RELN: variants seen among roughly 807,000 people sequenced by gnomAD.
RELN encodes the protein reelin.
A neutral mutation model predicts 427.6 loss-of-function variants in RELN; 108 were observed. The ratio of observed to expected loss-of-function variants is 0.25; its 90% CI spans 0.22 to 0.30. The LOEUF (loss-of-function observed/expected upper bound fraction) is 0.30, where lower values mean the gene tolerates loss of function less well. Among genes scored for constraint, RELN ranks in the 10% least tolerant of loss-of-function variants. RELN has a pLI of 1.00. For synonymous variants in RELN, 1,524 were observed against 1,513.4 expected, an observed-to-expected ratio of 1.01 and a Z score of -0.16; for missense variants, 3,715 against 4,302.8, an observed-to-expected ratio of 0.86 and a Z score of 3.82.
intron 2 of RELN, among the ~76,000 whole-genome samples, chr7:103,891,720 G>A (rs758223637): frequency 1.3e-5 from 2 of 152,008 alleles, no homozygotes; most frequent in Non-Finnish European, 2.9e-5. Context: ...CTTATCTCAT[G>A]TTACTATCTA....
chr7:103,475,879 T>C (rs1215567608), intron 64 of RELN, among the ~76,000 whole-genome samples: 1 of 149,572 alleles, frequency 6.7e-6, no homozygotes, highest in Non-Finnish European at 1.5e-5. Context: ...GGATGTTCTT[T>C]TTTTAAATAA....
At chr7:103,807,514 G>A (rs1001697809) in intron 3 of RELN, among the ~76,000 whole-genome samples, 7 of 152,090 alleles carry the variant, frequency 4.6e-5, no homozygotes, top group African/African-American at 1.7e-4. Context: ...TGTCACATGG[G>A]TAAATTGCAT....
chr7:103,728,089 T>C (rs1333872361), intron 7 of RELN, 22 bp downstream of exon 7: 54 of 1,609,530 alleles, frequency 3.4e-5, no homozygotes, highest in Non-Finnish European at 4.3e-5. Context: ...TGGAATAATG[T>C]ACATGAATAG....
intron 2 of RELN, among the ~76,000 whole-genome samples, chr7:103,844,460 G>C (rs1793628322): frequency 6.6e-6 from 1 of 152,148 alleles, no homozygotes. Flanking sequence ...AGTATTTAAT[G>C]ATGCAGGCAA....
intron 8 of RELN, among the ~76,000 whole-genome samples, chr7:103,719,265 C>T (rs1308686609): frequency 6.6e-6 from 1 of 152,094 alleles, no homozygotes. Context: ...ATGTTCCCCT[C>T]CAATGTCTTG....
intron 25 of RELN, 88 bp from the exon 26 acceptor site, chr7:103,594,580 G>C (rs1311719333): frequency 1.4e-6 from 2 of 1,393,334 alleles, no homozygotes; most frequent in South Asian, 1.2e-5. Flanking sequence ...GTAACAACAA[G>C]AGAAAAGTTT....
At chr7:103,612,928 G>A (rs899917925) in intron 20 of RELN, among the ~76,000 whole-genome samples, 3 of 152,044 alleles carry the variant, frequency 2.0e-5, no homozygotes, top group Non-Finnish European at 2.9e-5. Flanking sequence ...ATATTCCCAG[G>A]GTCAATCACA....
In RELN at chr7:103,899,001, AACTGTCCCAT is replaced by A. The variant is rs1358549617; in HGVS notation, c.337+18064_337+18073del. On this transcript the variant is annotated intron_variant, in intron 2 of 64. Coordinates refer to ENST00000428762, the MANE Select transcript of RELN (RefSeq NM_005045.4). Reference sequence around the variant, plus strand: ...TTATTCTTTAAAACGGTGCTTCCCAAACTGTCCCATACAAAACTAGTTCTAAGATAGATAG... The same window carrying A: ...TTATTCTTTAAAACGGTGCTTCCCAAACAAAACTAGTTCTAAGATAGATAG... Among the ~76,000 whole-genome samples the A allele has an allele frequency of 2.6e-5, 4 of 151,896 alleles. 1 individual carries two copies. The highest frequency in any genetic ancestry group is 5.9e-5 in the Non-Finnish European group (4 of 67,894).
Position 103,858,563 on chromosome 7 carries a change from T to G in RELN, c.338-24891A>C, listed in dbSNP as rs148001841. Among the ~76,000 whole-genome samples, 262 of 152,290 alleles carry G rather than the reference T, an allele frequency of 1.7e-3. 1 individual carries two copies. Among genetic ancestry groups the G allele is most frequent in the African/African-American group, 6.0e-3 (250 of 41,570 alleles). On this transcript the variant is annotated intron_variant, in intron 2 of 64. Transcript: ENST00000428762. The stretch of plus-strand genomic sequence containing the variant: ...TAGAGGCTTTGCTTTTGTTTTGCAG[T>G]TGGAAGAATATATTATGAATCCTAA...
At chr7:103,589,440 T>C (rs1478745497) in intron 28 of RELN, among the ~76,000 whole-genome samples, 156 bp downstream of exon 28, 1 of 152,208 alleles carries the variant, frequency 6.6e-6, no homozygotes, top group Non-Finnish European at 1.5e-5. Flanking sequence ...CTCAGATAAA[T>C]CCCCTTTTAA....
intron 2 of RELN, among the ~76,000 whole-genome samples, chr7:103,836,932 A>G (rs1793424694): frequency 6.6e-6 from 1 of 152,198 alleles, no homozygotes; most frequent in Admixed American, 6.5e-5. Context: ...CTAGTACCTT[A>G]CACATAGTCA....
chr7:103,938,526 T>C (rs1796036967), intron 1 of RELN, among the ~76,000 whole-genome samples: 1 of 152,242 alleles, frequency 6.6e-6, no homozygotes, highest in Non-Finnish European at 1.5e-5. Context: ...GAAAAAATGA[T>C]CTAAAACCTT....
Position 103,483,870 on chromosome 7 carries a change from C to T in RELN, c.9984-20G>A, listed in dbSNP as rs779820542. 4.3e-6 allele frequency: 7 copies of T among 1,610,500 alleles called. No individual in the cohort carries two copies. The highest frequency in any genetic ancestry group is 3.3e-5 in the Admixed American group (2 of 59,988). Reference sequence around the variant, plus strand: ...ATTTTGCTGAAAAACACAGGGAAATCATCTTTATTTTTATTTATTTATTTT... The same window carrying T: ...ATTTTGCTGAAAAACACAGGGAAATTATCTTTATTTTTATTTATTTATTTT... On this transcript the variant is annotated intron_variant, in intron 61 of 64. Coordinates refer to ENST00000428762, the MANE Select transcript of RELN (RefSeq NM_005045.4).
chr7:103,815,449 AAAGT>A (rs1270455327), intron 3 of RELN, among the ~76,000 whole-genome samples: 4 of 152,326 alleles, frequency 2.6e-5, no homozygotes, highest in East Asian at 1.9e-4. Flanking sequence ...CATGAAACAA[AAAGT>A]AAGTTATCTA....
chr7:103,719,324 C>T (rs1471717320), intron 8 of RELN, among the ~76,000 whole-genome samples: 1 of 152,104 alleles, frequency 6.6e-6, no homozygotes, highest in Non-Finnish European at 1.5e-5. Flanking sequence ...CCTGTCCTTT[C>T]AAGTGACTTG....
At chr7:103,854,136 A>C (rs754566628) in intron 2 of RELN, among the ~76,000 whole-genome samples, 4 of 152,142 alleles carry the variant, frequency 2.6e-5, no homozygotes, top group Admixed American at 2.6e-4. Flanking sequence ...GGAAAAATTC[A>C]TTATTTTCTA....
chr7:103,585,526 G>T (rs1202696280), intron 28 of RELN, among the ~76,000 whole-genome samples: 4 of 152,090 alleles, frequency 2.6e-5, no homozygotes, highest in Non-Finnish European at 4.4e-5. Flanking sequence ...TTGTGAACAT[G>T]CCAATAATAA....
At chr7:103,931,433 TC>T (rs1315664381) in intron 1 of RELN, among the ~76,000 whole-genome samples, 2 of 152,168 alleles carry the variant, frequency 1.3e-5, no homozygotes, top group African/African-American at 4.8e-5. Context: ...CCACATTCTA[TC>T]TCAAAATAGT....
At chr7:103,915,314 G>A (rs552568742) in intron 2 of RELN, among the ~76,000 whole-genome samples, 13 of 152,184 alleles carry the variant, frequency 8.5e-5, no homozygotes, top group Admixed American at 6.5e-4. Context: ...TAGTTTCTCT[G>A]TCATACCCTT....
Sources: gnomAD v4.1 joint callset for allele counts (sites outside exome capture counted in the v4.1 genomes callset) on GRCh38, gnomAD v4.1.1 for gene constraint, MANE v1.5 for transcripts, NCBI Gene and HGNC (gene_info 2026-07-23, HGNC 2026-07-21) for gene names.